Variants in EPHA4 observed in about 807,000 individuals in gnomAD.
EPHA4 encodes the protein ephrin type-A receptor 4.
In EPHA4, 19 loss-of-function variants were observed where a neutral mutation model predicts 108.3. That is an observed-to-expected ratio of 0.18 (90% CI 0.12 to 0.26). EPHA4 has a LOEUF of 0.26. Among genes scored for constraint, EPHA4 ranks in the 10% least tolerant of loss-of-function variants. EPHA4 has a pLI of 1.00. For synonymous variants in EPHA4, 449 were observed against 455.5 expected, an observed-to-expected ratio of 0.99 and a Z score of 0.18; for missense variants, 917 against 1,254.0, an observed-to-expected ratio of 0.73 and a Z score of 4.06.
At position 221,456,698 on chromosome 2, in the gene EPHA4, G is replaced by T. The variant is rs755176741; in HGVS notation, c.1518C>A (p.Leu506=). ...CTCGCACGTGGAAAACATAGGAAGT[G>T]AGAGGGTTCAGGCCTTTGATATCTG... ...RNTDIKGLNP[L]TSYVFHVRAR... is the part of the protein sequence containing the mutation. The change falls in exon 7 of 18, where the codon CTC becomes CTA. Residue 506 remains leucine, a synonymous_variant. Transcript: ENST00000281821. 2 of 1,613,998 alleles carry T rather than the reference G, an allele frequency of 1.2e-6. No homozygotes were observed. The highest frequency in any genetic ancestry group is 1.7e-6 in the Non-Finnish European group (2 of 1,179,918).
At chr2:221,439,283 T>C (rs1690339876) in intron 11 of EPHA4, among the ~76,000 whole-genome samples, 1 of 150,958 alleles carries the variant, frequency 6.6e-6, no homozygotes, top group African/African-American at 2.4e-5. Context: ...AAATGCTTAG[T>C]TCTCAGATTC....
At chr2:221,517,117 A>G (rs1053960803) in intron 3 of EPHA4, among the ~76,000 whole-genome samples, 3 of 152,214 alleles carry the variant, frequency 2.0e-5, no homozygotes, top group Admixed American at 6.5e-5. Context: ...TGGCAGGGAT[A>G]GAACTGTACA....
chr2:221,482,234 C>T (rs1034356510), intron 5 of EPHA4, 118 bp downstream of exon 5: 137 of 1,080,954 alleles, frequency 1.3e-4, no homozygotes, highest in Admixed American at 6.5e-4. Context: ...TACATTATAA[C>T]GCAGCTCCCA....
chr2:221,559,574 TA>T (rs530772413), intron 3 of EPHA4, among the ~76,000 whole-genome samples: 119 of 151,808 alleles, frequency 7.8e-4, no homozygotes, highest in South Asian at 2.9e-3. Flanking sequence ...AAAAATAAAT[TA>T]AAAAAAAATT....
chr2:221,456,514 C>A, intron 7 of EPHA4, 99 bp downstream of exon 7: 1 of 1,328,960 alleles, frequency 7.5e-7, no homozygotes, highest in Non-Finnish European at 1.0e-6. Context: ...TCTGCTGAAC[C>A]AAAAATTACA....
chr2:221,482,428 C>G lies in EPHA4; in HGVS notation c.1242G>C (p.Trp414Cys). 3.1e-6 allele frequency: 5 copies of G among 1,613,978 alleles called. No homozygotes were observed. Among genetic ancestry groups the G allele is most frequent in the Non-Finnish European group, 4.2e-6 (5 of 1,179,982 alleles). The change falls in exon 5 of 18, where the codon TGG becomes TGC. Residue 414 changes from tryptophan (W) to cysteine (C), a missense_variant. Physicochemically the swap from Trp to Cys is radical, Grantham distance 215 (BLOSUM62 -2). Coordinates refer to ENST00000281821, the MANE Select transcript of EPHA4 (RefSeq NM_004438.5). ...TATATTTGGACACTCCATTCACAGC[C>G]CAGATTTCAAAGGTGTAATTGGTAT... ...LAHTNYTFEI[W>C]AVNGVSKYNP...
At chr2:221,509,026 T>G (rs1481053237) in intron 3 of EPHA4, among the ~76,000 whole-genome samples, 1 of 152,200 alleles carries the variant, frequency 6.6e-6, no homozygotes, top group Non-Finnish European at 1.5e-5. Flanking sequence ...TGATTGTTGT[T>G]AAAAATTACT....
At chr2:221,500,727 T>C (rs1692462268) in intron 4 of EPHA4, among the ~76,000 whole-genome samples, 1 of 152,170 alleles carries the variant, frequency 6.6e-6, no homozygotes, top group African/African-American at 2.4e-5. Flanking sequence ...GCAAAGCCAC[T>C]AATAAATTCC....
In EPHA4 at chr2:221,456,726, T is replaced by A; in HGVS notation, c.1490A>T (p.Asn497Ile). The change falls in exon 7 of 18, where the codon AAC becomes ATC. Residue 497 changes from asparagine to isoleucine, a missense_variant. By Grantham distance (149) the Asn-to-Ile change is moderately radical. This residue lies in a region of EPHA4 where 758 missense variants were observed against 1,076.7 expected (regional missense o/e 0.70). Transcript: ENST00000281821. ...AGGGTTCAGGCCTTTGATATCTGTG[T>A]TCCTGGCAGCTGTCCGAACTATACG... ...SYRIVRTAAR[N>I]TDIKGLNPLT... The A allele has an allele frequency of 6.2e-7, 1 of 1,613,958 alleles. No homozygotes were observed. Among genetic ancestry groups the A allele is most frequent in the Admixed American group, 1.7e-5 (1 of 60,006 alleles).
chr2:221,436,729 T>C lies in EPHA4; in HGVS notation c.2137-121A>G, dbSNP rs113043786. The stretch of plus-strand genomic sequence containing the variant: ...TCCGGTATGCAATGAAACTCAACAT[T>C]ATTTCCAGGCCTTTCTGACCAAAGT... On this transcript the variant is annotated intron_variant, in intron 12 of 17. Transcript: ENST00000281821. The C allele has an allele frequency of 1.4e-3, 1,423 of 1,052,284 alleles. 18 individuals carry two copies. The African/African-American group carries it at 0.019, about 14-fold the overall frequency. 65.2% of individuals were successfully genotyped at this position (1,052,284 alleles called of 1,614,324 possible).
In EPHA4 at chr2:221,514,369, C is replaced by G. The variant is rs1408380586; in HGVS notation, c.824-13197G>C. ...CATTTTCTTGCTTTCGTGTGATGCA[C>G]TCTTGTAGGGCACAAAAGGTTAGTG... On this transcript the variant is annotated intron_variant, in intron 3 of 17. Coordinates refer to ENST00000281821, the MANE Select transcript of EPHA4 (RefSeq NM_004438.5). 2.0e-5 allele frequency among the ~76,000 whole-genome samples: 3 copies of G among 152,150 alleles called. No homozygotes were observed. In the East Asian group the frequency reaches 5.8e-4, roughly 29 times the overall value.
chr2:221,456,559 G>A, intron 7 of EPHA4, 54 bp downstream of exon 7: 1 of 1,576,898 alleles, frequency 6.3e-7, no homozygotes, highest in Non-Finnish European at 8.7e-7. Context: ...ATGGGATTCA[G>A]CTGTATTATA....
chr2:221,421,539 T>C (rs1404787659), intron 17 of EPHA4, among the ~76,000 whole-genome samples: 1 of 152,148 alleles, frequency 6.6e-6, no homozygotes, highest in Non-Finnish European at 1.5e-5. Context: ...TATCAAGAAC[T>C]AATCAGCCGC....
chr2:221,570,659 G>A lies in EPHA4; in HGVS notation c.91+1499C>T, dbSNP rs905127804. Among the ~76,000 whole-genome samples, 4 of 151,302 alleles carry A rather than the reference G, an allele frequency of 2.6e-5. No homozygotes were observed. In the East Asian group the frequency reaches 7.8e-4, roughly 30 times the overall value. On this transcript the variant is annotated intron_variant, in intron 1 of 17. Coordinates refer to ENST00000281821, the MANE Select transcript of EPHA4 (RefSeq NM_004438.5). ...GTACCGGCTGCCCAGCCAAGGCTAA[G>A]TTGGTTTTTGGCTCCCTCCTTCGGA...
Position 221,425,994 on chromosome 2 carries a change from A to G in EPHA4, c.*34T>C, listed in dbSNP as rs1689890158. On this transcript the variant is annotated 3_prime_UTR_variant, in exon 17 of 18. Coordinates refer to ENST00000281821, the MANE Select transcript of EPHA4 (RefSeq NM_004438.5). ...TTAAAGTGCATGGATGAGGTAAACT[A>G]ATTTCAAGAGTTTTGAGTTTATTCA... 3.2e-6 allele frequency: 5 copies of G among 1,573,556 alleles called. No individual in the cohort carries two copies. The highest frequency in any genetic ancestry group is 2.2e-5 in the East Asian group (1 of 44,684).
chr2:221,477,551 G>T (rs141302239), intron 5 of EPHA4, among the ~76,000 whole-genome samples: 2 of 152,112 alleles, frequency 1.3e-5, no homozygotes, highest in African/African-American at 4.8e-5. Context: ...TTGCCCATTA[G>T]GGGTAGGAGC....
At chr2:221,534,893 T>C (rs1693620537) in intron 3 of EPHA4, among the ~76,000 whole-genome samples, 1 of 152,228 alleles carries the variant, frequency 6.6e-6, no homozygotes, top group South Asian at 2.1e-4. Context: ...TTTAACTTTT[T>C]TGTTGACCAG....
In EPHA4 at chr2:221,571,581, G is replaced by GA. The variant is rs1694839897; in HGVS notation, c.91+576dup. 6.6e-6 allele frequency among the ~76,000 whole-genome samples: 1 copy of GA among 152,160 alleles called. No homozygotes were observed. The highest frequency in any genetic ancestry group is 6.5e-5 in the Admixed American group (1 of 15,294). On this transcript the variant is annotated intron_variant, in intron 1 of 17. Transcript: ENST00000281821. The surrounding 1 kb of genome is among the most constrained non-coding windows in gnomAD (Gnocchi z 6.3). ...CCCTCGGGGCGCTGGGCTTGGCGAG[G>GA]AGAAAGGTGTCTGACTCCGGGTGCT...
chr2:221,566,937 G>GA lies in EPHA4; in HGVS notation c.159+1780_159+1781insT, dbSNP rs1559297296. Among the ~76,000 whole-genome samples, 36 of 73,538 alleles carry GA rather than the reference G, an allele frequency of 4.9e-4. 12 individuals are homozygous for GA. The highest frequency in any genetic ancestry group is 2.4e-3 in the African/African-American group (30 of 12,764). The allele number at this position is 73,538 out of a possible 152,430, so 48.2% of individuals were successfully genotyped here. The stretch of plus-strand genomic sequence containing the variant: ...AGGAGAAGGAGAAGGAGAAGGAGAA[G>GA]GAGAAGGAGAAGGAGAAGGGGAAGA... On this transcript the variant is annotated intron_variant, in intron 2 of 17. Transcript: ENST00000281821.
Sources: allele counts gnomAD v4.1 joint callset (sites outside exome capture counted in the v4.1 genomes callset), GRCh38; gene constraint gnomAD v4.1.1; regional missense constraint gnomAD v4.1.1; non-coding constraint Gnocchi (gnomAD v3.1); transcripts MANE v1.5; gene names NCBI Gene and HGNC (gene_info 2026-07-23, HGNC 2026-07-21).